The following GAN variants were observed in gnomAD, a reference collection of about 807,000 sequenced individuals.
GAN encodes gigaxonin.
In GAN, 48 loss-of-function variants were observed where a neutral mutation model predicts 71.3. That is an observed-to-expected ratio of 0.67 (90% confidence interval 0.53 to 0.86). The LOEUF (loss-of-function observed/expected upper bound fraction) is 0.86. Ranked by LOEUF, GAN falls within the 40% of genes least tolerant of loss-of-function variation. GAN has a pLI of 0.00. For synonymous variants in GAN, 386 were observed against 276.8 expected (o/e 1.39, Z -3.92); for missense variants, 928 against 770.1 (o/e 1.21, Z -2.43).
intron 1 of GAN, among the ~76,000 whole-genome samples, chr16:81,324,796 A>G (rs947810238): frequency 1.4e-4 from 22 of 152,216 alleles, no homozygotes; most frequent in African/African-American, 5.3e-4. Flanking sequence ...AAAGAGGAAT[A>G]TTTGTTTGTG....
intron 1 of GAN, among the ~76,000 whole-genome samples, chr16:81,338,980 C>T (rs1252014428): frequency 6.6e-6 from 1 of 152,148 alleles, no homozygotes; most frequent in East Asian, 1.9e-4. Context: ...CATAGAAGCT[C>T]AAGAGTTTAG....
rs1279777339 is a variant in GAN, at chr16:81,379,905, AT to A, written c.*2310del. The A allele has an allele frequency of 1.3e-5, 2 of 151,638 alleles. No homozygotes were observed. The highest frequency in any genetic ancestry group is 2.9e-5 in the Non-Finnish European group (2 of 67,972). 9.4% of individuals were successfully genotyped at this position (151,638 alleles called of 1,614,324 possible). A position where few individuals can be genotyped will look rare whatever the true frequency, so the allele number is the denominator to read the frequency against. Reference sequence around the variant, plus strand: ...CTGCATGACTTGGTAAATTCATTTTATAAAAATAGTGTTTTTTTTTTTTAAT... The same window carrying A: ...CTGCATGACTTGGTAAATTCATTTTAAAAAATAGTGTTTTTTTTTTTTAAT... On this transcript the variant is annotated 3_prime_UTR_variant, in exon 11 of 11. Coordinates refer to ENST00000648994, the MANE Select transcript of GAN (RefSeq NM_022041.4).
intron 1 of GAN, among the ~76,000 whole-genome samples, chr16:81,337,550 T>C (rs572839889): frequency 6.6e-6 from 1 of 152,300 alleles, no homozygotes; most frequent in African/African-American, 2.4e-5. Context: ...GTTGTGGCTT[T>C]TAGACACAGT....
intron 1 of GAN, among the ~76,000 whole-genome samples, chr16:81,321,483 A>G (rs949579405): frequency 1.3e-5 from 2 of 152,190 alleles, no homozygotes; most frequent in African/African-American, 4.8e-5. Context: ...TTGAAGTAAA[A>G]TGCTCTTCCA....
intron 1 of GAN, among the ~76,000 whole-genome samples, chr16:81,339,267 G>C (rs1043882037): frequency 6.6e-6 from 1 of 152,154 alleles, no homozygotes; most frequent in African/African-American, 2.4e-5. Context: ...ACAGTTCCCA[G>C]TTGAATTGTA....
chr16:81,343,085 T>C (rs1003603563), intron 1 of GAN, among the ~76,000 whole-genome samples: 1 of 152,160 alleles, frequency 6.6e-6, no homozygotes, highest in Admixed American at 6.5e-5. Flanking sequence ...CAGGAAGAAG[T>C]TGAATCTCTG....
At position 81,351,619 on chromosome 16, in the gene GAN, A is replaced by C. The variant is rs763764629; in HGVS notation, c.204A>C (p.Gly68=). Residue 68 remains glycine, a synonymous_variant, in exon 2 of 11, where the codon GGA becomes GGC. Coordinates refer to ENST00000648994, the MANE Select transcript of GAN (RefSeq NM_022041.4). ...KLNYNPPKDD[G]STYKIELEGI... ...ACTATAATCCTCCAAAAGATGATGG[A>C]TCAACTTATAAGATTGAACTTGAAG... The C allele has an allele frequency of 6.4e-7, 1 of 1,555,064 alleles. No homozygotes were observed. The highest frequency in any genetic ancestry group is 8.9e-7 in the Non-Finnish European group (1 of 1,126,020).
chr16:81,347,718 C>T (rs1474617335), intron 1 of GAN, among the ~76,000 whole-genome samples: 1 of 152,066 alleles, frequency 6.6e-6, no homozygotes, highest in Non-Finnish European at 1.5e-5. Flanking sequence ...GTAATTTCTT[C>T]TTTATTATTT....
chr16:81,322,111 G>C (rs1331694885), intron 1 of GAN, among the ~76,000 whole-genome samples: 1 of 152,158 alleles, frequency 6.6e-6, no homozygotes, highest in Non-Finnish European at 1.5e-5. Flanking sequence ...GATGTTTGCT[G>C]CATTCATTTC....
At chr16:81,327,689 A>C (rs7197360) in intron 1 of GAN, among the ~76,000 whole-genome samples, 51,700 of 151,912 alleles carry the variant, frequency 0.34, 10,285 homozygotes, top group East Asian at 0.81. Context: ...CTTGCTTCTG[A>C]AGTATGGAGC....
At chr16:81,360,203 C>G (rs1301146192) in intron 5 of GAN, among the ~76,000 whole-genome samples, 2 of 152,204 alleles carry the variant, frequency 1.3e-5, no homozygotes, top group South Asian at 2.1e-4. Flanking sequence ...CTAGGATCAT[C>G]TCCCTTCTCT....
At chr16:81,374,986 A>G (rs1904276446) in intron 9 of GAN, among the ~76,000 whole-genome samples, 1 of 88,566 alleles carries the variant, frequency 1.1e-5, no homozygotes, top group Admixed American at 1.2e-4. Context: ...ATAGACCTAA[A>G]TGTAAAAGAT....
At position 81,362,597 on chromosome 16, in the gene GAN, C is replaced by T. The variant is rs1462893972; in HGVS notation, c.1072C>T (p.Pro358Ser). 2.6e-6 allele frequency: 4 copies of T among 1,538,396 alleles called. No individual in the cohort carries two copies. Among genetic ancestry groups the T allele is most frequent in the East Asian group, 2.2e-5 (1 of 44,564 alleles). The change falls in exon 6 of 11, where the codon CCA (proline) becomes TCA (serine). Residue 358 changes from proline (P) to serine (S), a missense_variant. By Grantham distance (74) the Pro-to-Ser change is moderately conservative (BLOSUM62 -1). Transcript: ENST00000648994. The stretch of plus-strand genomic sequence containing the variant: ...AGATGCAAATACATGGACAGCATTG[C>T]CACCTATGAACGAGGTAAAACACTA... Reference protein sequence around the residue: ...DPDANTWTALPPMNEARHNFG... With the variant: ...DPDANTWTALSPMNEARHNFG...
intron 1 of GAN, among the ~76,000 whole-genome samples, chr16:81,327,748 A>G (rs909168816): frequency 6.7e-6 from 1 of 150,186 alleles, no homozygotes; most frequent in Non-Finnish European, 1.5e-5. Context: ...AGAAAGAACC[A>G]GATAAGCCAG....
chr16:81,376,167 C>G (rs1488777218), intron 9 of GAN, among the ~76,000 whole-genome samples: 1 of 151,374 alleles, frequency 6.6e-6, no homozygotes. Context: ...TGGCACAAAG[C>G]TTTGGAAAGC....
intron 6 of GAN, 105 bp from the exon 7 acceptor site, chr16:81,363,688 AT>A: frequency 8.6e-7 from 1 of 1,156,868 alleles, no homozygotes; most frequent in Non-Finnish European, 1.3e-6. Flanking sequence ...CCCATTGTCT[AT>A]TTTTGCCATC....
chr16:81,362,270 T>C (rs80113776), intron 5 of GAN, among the ~76,000 whole-genome samples: 3,442 of 152,242 alleles, frequency 0.023, 83 homozygotes, highest in East Asian at 0.12. Flanking sequence ...TTTTTCATTG[T>C]AGGGTGGTGG....
In GAN at chr16:81,356,977, G is replaced by C. The variant is rs34702055; in HGVS notation, c.826G>C (p.Val276Leu). ...FKPRGYSECI[V>L]TVGGEERVSR... ...ACCCCGGGGCTACTCTGAGTGCATC[G>C]TGACTGTTGGTGGAGAAGAGAGAGT... Residue 276 changes from valine to leucine, a missense_variant, in exon 4 of 11, where the codon GTG (valine) becomes CTG (leucine). Coordinates refer to ENST00000648994, the MANE Select transcript of GAN (RefSeq NM_022041.4). 3.1e-6 allele frequency: 5 copies of C among 1,608,472 alleles called. No individual in the cohort carries two copies. The highest frequency in any genetic ancestry group is 1.7e-5 in the Admixed American group (1 of 59,996).
chr16:81,373,543 T>G (rs1392503902), intron 9 of GAN, among the ~76,000 whole-genome samples: 7 of 152,342 alleles, frequency 4.6e-5, no homozygotes, highest in Middle Eastern at 3.4e-3. Flanking sequence ...CTTCTCCTAG[T>G]GTTAACATCT....
Sources: allele counts gnomAD v4.1 joint callset (sites outside exome capture counted in the v4.1 genomes callset), GRCh38; gene constraint gnomAD v4.1.1; transcripts MANE v1.5; gene names NCBI Gene and HGNC (gene_info 2026-07-23, HGNC 2026-07-21).